The following DPP6 variants were observed in gnomAD, a reference collection of about 807,000 sequenced individuals.
DPP6 encodes the protein dipeptidyl peptidase like 6, also known as A-type potassium channel modulatory protein DPP6.
In DPP6, 69 loss-of-function variants were observed where a neutral mutation model predicts 122.6. The observed-to-expected ratio is 0.56, with a 90% CI of 0.46 to 0.69. The LOEUF (loss-of-function observed/expected upper bound fraction) is 0.69. DPP6 is among the 30% of genes least tolerant of loss of function. DPP6 has a pLI of 0.00. For missense variants in DPP6, 928 were observed against 1,116.9 expected (o/e 0.83, Z 2.41); for synonymous variants, 418 against 433.1 (o/e 0.97, Z 0.43).
At chr7:153,911,273 C>T (rs962212471) in intron 1 of DPP6, among the ~76,000 whole-genome samples, 1 of 152,194 alleles carries the variant, frequency 6.6e-6, no homozygotes, top group Admixed American at 6.5e-5. Context: ...GACCTTCATG[C>T]TCAAATCGTT....
At chr7:154,854,776 G>A (rs993251757) in intron 17 of DPP6, among the ~76,000 whole-genome samples, 9 of 152,058 alleles carry the variant, frequency 5.9e-5, no homozygotes, top group African/African-American at 2.4e-5. Context: ...CGCGAGGGAT[G>A]TGTGCTGTGT....
At chr7:154,385,005 C>G (rs181638609) in intron 1 of DPP6, among the ~76,000 whole-genome samples, 3 of 152,058 alleles carry the variant, frequency 2.0e-5, no homozygotes, top group Non-Finnish European at 4.4e-5. Context: ...GAGGGAGTCT[C>G]GCTCTGTCGC....
intron 1 of DPP6, among the ~76,000 whole-genome samples, chr7:154,391,685 A>C (rs192956448): frequency 6.6e-6 from 1 of 152,142 alleles, no homozygotes; most frequent in Non-Finnish European, 1.5e-5. Context: ...CCTCTTGTTC[A>C]TCTTGGCTAT....
At chr7:154,035,650 A>G (rs1378098919) in intron 1 of DPP6, among the ~76,000 whole-genome samples, 4 of 151,866 alleles carry the variant, frequency 2.6e-5, no homozygotes, top group Admixed American at 6.6e-5. Context: ...GCATTTATCC[A>G]TCTAAACACC....
chr7:154,500,298 C>G (rs1295991751), intron 3 of DPP6, among the ~76,000 whole-genome samples: 1 of 152,176 alleles, frequency 6.6e-6, no homozygotes, highest in Non-Finnish European at 1.5e-5. Context: ...GAATTGCACA[C>G]TGTAAAATAG....
intron 3 of DPP6, among the ~76,000 whole-genome samples, chr7:154,523,970 A>G (rs1364063148): frequency 6.6e-6 from 1 of 152,186 alleles, no homozygotes; most frequent in African/African-American, 2.4e-5. Context: ...ACCTGCACCA[A>G]GTTTTACGAC....
intron 16 of DPP6, among the ~76,000 whole-genome samples, chr7:154,808,179 G>A (rs1254736070): frequency 6.6e-6 from 1 of 152,216 alleles, no homozygotes; most frequent in African/African-American, 2.4e-5. Context: ...CTAAGCCATA[G>A]GTGGAGAATG....
Position 153,939,641 on chromosome 7 carries a change from T to C in DPP6, c.51+51907T>C, listed in dbSNP as rs139860994. Among the ~76,000 whole-genome samples the C allele has an allele frequency of 4.3e-3, 660 of 152,356 alleles. 7 individuals are homozygous for C. The highest frequency in any genetic ancestry group is 0.015 in the African/African-American group (634 of 41,586). On this transcript the variant is annotated intron_variant, in intron 1 of 25. Coordinates refer to the DPP6 transcript ENST00000404039. ...TTTGCTTGCCATTTATTTGAATGTGTCAAGTCTTGTGCTAGATTTAAGAAG... is the reference window on the plus strand; with the variant it reads ...TTTGCTTGCCATTTATTTGAATGTGCCAAGTCTTGTGCTAGATTTAAGAAG...
chr7:154,790,838 A>AAGGAGGGAGGGAGGGGAG (rs1391318605), intron 10 of DPP6, among the ~76,000 whole-genome samples: 1 of 105,754 alleles, frequency 9.5e-6, no homozygotes, highest in African/African-American at 3.7e-5. Context: ...AGAGGAAAGG[A>AAGGAGGGAGGGAGGGGAG]AGGAGGGAGG....
chr7:154,343,358 A>G (rs1314369912), intron 1 of DPP6, among the ~76,000 whole-genome samples: 3 of 152,240 alleles, frequency 2.0e-5, no homozygotes, highest in Non-Finnish European at 4.4e-5. Flanking sequence ...ATCTCACTGC[A>G]TCTTCGCAAG....
intron 1 of DPP6, among the ~76,000 whole-genome samples, chr7:154,301,872 C>T (rs1805931789): frequency 7.4e-6 from 1 of 134,414 alleles, no homozygotes; most frequent in South Asian, 2.4e-4. Flanking sequence ...GGCTGGAGTG[C>T]AGTGGTGCAA....
At chr7:154,656,526 C>A (rs957942149) in intron 6 of DPP6, among the ~76,000 whole-genome samples, 1 of 152,060 alleles carries the variant, frequency 6.6e-6, no homozygotes, top group African/African-American at 2.4e-5. Flanking sequence ...TTTGGCACCT[C>A]GATGGACACA....
At chr7:153,986,898 G>C (rs968159698) in intron 1 of DPP6, among the ~76,000 whole-genome samples, 5 of 151,392 alleles carry the variant, frequency 3.3e-5, no homozygotes, top group Non-Finnish European at 7.4e-5. Flanking sequence ...TAGATACTGA[G>C]AAAGTTCTAG....
the DPP6 span, among the ~76,000 whole-genome samples, chr7:153,858,364 C>G: frequency 6.6e-6 from 1 of 152,174 alleles, no homozygotes; most frequent in Non-Finnish European, 1.5e-5. Flanking sequence ...GAACAGTTTT[C>G]AGGGTGTCAG....
chr7:154,202,748 A>G (rs79384623), intron 1 of DPP6, among the ~76,000 whole-genome samples: 4,802 of 152,142 alleles, frequency 0.032, 261 homozygotes, highest in African/African-American at 0.11. Context: ...TCCACTCACA[A>G]CAGGGCAAGG....
At position 154,486,340 on chromosome 7, in the gene DPP6, G is replaced by A. The variant is rs1823796994; in HGVS notation, c.457+11303G>A. On this transcript the variant is annotated intron_variant, in intron 3 of 25. Transcript: ENST00000377770. The surrounding 1 kb of genome is among the most constrained non-coding windows in gnomAD (Gnocchi z 4.5). ...GAAGAGACAGGGTTGCACCATGTTG[G>A]TCAGGCTGGTCTCGAACTACTGACC... is the stretch of plus-strand genomic sequence containing the variant. Among the ~76,000 whole-genome samples the A allele has an allele frequency of 6.6e-6, 1 of 152,028 alleles. No individual in the cohort carries two copies. Among genetic ancestry groups the A allele is most frequent in the South Asian group, 2.1e-4 (1 of 4,822 alleles).
chr7:154,336,419 C>T (rs7801595), intron 1 of DPP6, among the ~76,000 whole-genome samples: 3,224 of 152,226 alleles, frequency 0.021, 119 homozygotes, highest in African/African-American at 0.074. Context: ...GTGATAGCAG[C>T]AGGTGCCGTG....
At chr7:154,462,365 A>C (rs1821371686) in intron 2 of DPP6, among the ~76,000 whole-genome samples, 1 of 152,158 alleles carries the variant, frequency 6.6e-6, no homozygotes, top group African/African-American at 2.4e-5. Context: ...ATTCCATGTA[A>C]ATTTTAGGAT....
At chr7:153,781,458 C>T in the DPP6 span, among the ~76,000 whole-genome samples, 4 of 152,294 alleles carry the variant, frequency 2.6e-5, no homozygotes, top group East Asian at 1.9e-4. Flanking sequence ...GACTGGGCCC[C>T]GTAAGGAACA....
Sources: gnomAD v4.1 joint callset for allele counts (sites outside exome capture counted in the v4.1 genomes callset) on GRCh38, gnomAD v4.1.1 for gene constraint, Gnocchi (gnomAD v3.1) non-coding constraint, MANE v1.5 for transcripts, NCBI Gene and HGNC (gene_info 2026-07-23, HGNC 2026-07-21) for gene names.